The following CACNA1A variants were observed in gnomAD, a reference collection of about 807,000 sequenced individuals.
The protein encoded by CACNA1A is voltage-dependent P/Q-type calcium channel subunit alpha-1A.
CACNA1A carries 57 observed loss-of-function variants against 262.4 expected under a neutral mutation model. That is an observed-to-expected ratio of 0.22 (90% CI 0.18 to 0.27). The LOEUF (loss-of-function observed/expected upper bound fraction) is 0.27. Among genes scored for constraint, CACNA1A ranks in the 10% least tolerant of loss-of-function variants. The probability of loss-of-function intolerance (pLI) is 1.00; values close to 1 mark genes in which losing one functional copy is unlikely to be tolerated. For missense variants in CACNA1A, 2,526 were observed against 3,562.8 expected (o/e 0.71, Z 7.41); for synonymous variants, 1,431 against 1,419.3 (o/e 1.01, Z -0.18).
chr19:13,337,488 A>C (rs966019980), intron 6 of CACNA1A, among the ~76,000 whole-genome samples: 2 of 152,176 alleles, frequency 1.3e-5, no homozygotes, highest in African/African-American at 4.8e-5. Flanking sequence ...ACCCACCCTA[A>C]TGATCTCATC....
intron 31 of CACNA1A, 188 bp downstream of exon 31, chr19:13,244,994 C>A: frequency 1.7e-6 from 1 of 598,898 alleles, no homozygotes; most frequent in Non-Finnish European, 3.0e-6. Flanking sequence ...CCCATCTCCC[C>A]ACAATGCCCT....
chr19:13,283,173 C>A, intron 22 of CACNA1A, 94 bp downstream of exon 22: 1 of 1,491,714 alleles, frequency 6.7e-7, no homozygotes. Context: ...GTGACCCCAA[C>A]ATCCCACCCT....
At chr19:13,314,001 TTGAG>T (rs1177858112) in intron 11 of CACNA1A, among the ~76,000 whole-genome samples, 1 of 152,196 alleles carries the variant, frequency 6.6e-6, no homozygotes, top group African/African-American at 2.4e-5. Flanking sequence ...CTAAAAAGTC[TTGAG>T]TAAGACAAAG....
In CACNA1A at chr19:13,330,209, T is replaced by G. The variant is rs968660480; in HGVS notation, c.1345+35A>C. On this transcript the variant is annotated intron_variant, in intron 10 of 46. Transcript: ENST00000360228. Reference sequence around the variant, plus strand: ...ACCATGTCTCTTGGGCGATAGGTGATGAACAACTGATAGGTGGCAGAGGAA... The same window carrying G: ...ACCATGTCTCTTGGGCGATAGGTGAGGAACAACTGATAGGTGGCAGAGGAA... The G allele has an allele frequency of 3.4e-6, 5 of 1,451,862 alleles. No homozygotes were observed. In the South Asian group the frequency reaches 6.1e-5, roughly 18 times the overall value. The allele number at this position is 1,451,862 out of a possible 1,614,324, so 89.9% of individuals were successfully genotyped here.
chr19:13,251,907 G>A (rs1384796575), intron 30 of CACNA1A, among the ~76,000 whole-genome samples: 1 of 151,920 alleles, frequency 6.6e-6, no homozygotes, highest in African/African-American at 2.4e-5. Context: ...TGGGATCATG[G>A]GCACCCACAA....
Position 13,241,584 on chromosome 19 carries a change from G to T in CACNA1A, c.4950+3598C>A. 1 of 1,025,532 alleles carries T rather than the reference G, an allele frequency of 9.8e-7. No individual in the cohort carries two copies. Among genetic ancestry groups the T allele is most frequent in the Non-Finnish European group, 1.5e-6 (1 of 682,370 alleles). 63.5% of individuals were successfully genotyped at this position (1,025,532 alleles called of 1,614,324 possible). A position where few individuals can be genotyped will look rare whatever the true frequency, so the allele number is the denominator to read the frequency against. ...GGCGGGCGGGGGCAGTTGGGGAGGC[G>T]TGTTCAGCATTTTTTAGGTTGATTT... On this transcript the variant is annotated intron_variant, in intron 31 of 46. Coordinates refer to ENST00000360228, the MANE Select transcript of CACNA1A (RefSeq NM_001127222.2). The surrounding 1 kb of genome is among the most constrained non-coding windows in gnomAD (Gnocchi z 4.0).
rs200209920 is a variant in CACNA1A at position 13,285,196 on chromosome 19, G to A, written c.3564C>T (p.Asn1188=). The A allele has an allele frequency of 9.4e-5, 151 of 1,613,824 alleles. No individual in the cohort carries two copies. Among genetic ancestry groups the A allele is most frequent in the East Asian group, 2.0e-4 (9 of 44,872 alleles). The change falls in exon 21 of 47, where the codon AAC becomes AAT. Residue 1188 remains asparagine (N), a synonymous_variant. Transcript: ENST00000360228. ...LNHTVVQVNK[N]ANPDPLPKKE... ...TTTTTGGCAGTGGGTCTGGGTTGGC[G>A]TTTTTGTTCACTGTTGGGACAAGAA... is the stretch of plus-strand genomic sequence containing the variant.
At chr19:13,367,811 T>A (rs1394093416) in intron 4 of CACNA1A, among the ~76,000 whole-genome samples, 2 of 152,104 alleles carry the variant, frequency 1.3e-5, no homozygotes, top group East Asian at 3.8e-4. Context: ...AAGACCTAAA[T>A]CTGGGGGTAT....
intron 3 of CACNA1A, among the ~76,000 whole-genome samples, chr19:13,442,151 T>C (rs995033212): frequency 2.0e-5 from 3 of 152,012 alleles, no homozygotes; most frequent in Admixed American, 6.6e-5. Context: ...AGGCAAAAAC[T>C]AGGGTCCAAT....
At chr19:13,470,964 T>C (rs756998199) in intron 1 of CACNA1A, among the ~76,000 whole-genome samples, 3 of 152,178 alleles carry the variant, frequency 2.0e-5, no homozygotes, top group Non-Finnish European at 4.4e-5. Context: ...TCTCTCGTCA[T>C]CCTGGAGGCA....
chr19:13,485,148 G>A (rs1323715399), intron 1 of CACNA1A, among the ~76,000 whole-genome samples: 2 of 152,280 alleles, frequency 1.3e-5, no homozygotes, highest in Middle Eastern at 6.8e-3. Flanking sequence ...ATTGGGGCAA[G>A]AATGGGCTTT....
chr19:13,411,694 TTCTC>T (rs144610146), intron 3 of CACNA1A, among the ~76,000 whole-genome samples: 33 of 147,754 alleles, frequency 2.2e-4, no homozygotes, highest in Non-Finnish European at 3.3e-4. Flanking sequence ...CTCTTTCTCC[TTCTC>T]TCTCTCTCTC....
At chr19:13,222,405 T>C (rs1461896825) in intron 38 of CACNA1A, among the ~76,000 whole-genome samples, 2 of 148,846 alleles carry the variant, frequency 1.3e-5, no homozygotes, top group Non-Finnish European at 3.0e-5. Context: ...TTTTTTTTTT[T>C]TTTTTTTTCA....
chr19:13,391,064 T>C (rs2059702729), intron 3 of CACNA1A, among the ~76,000 whole-genome samples: 1 of 152,140 alleles, frequency 6.6e-6, no homozygotes, highest in Admixed American at 6.6e-5. Flanking sequence ...TTTTTTGTAT[T>C]TTAGTAGAGA....
chr19:13,207,227 G>A lies in CACNA1A; in HGVS notation c.*86C>T. ...GCCCTCTCCCGGGCCCTCTGTGCTG[G>A]GCCCCCGCGGCCTCTGCGCGGCTCC... On this transcript the variant is annotated 3_prime_UTR_variant, in exon 47 of 47. Coordinates refer to ENST00000360228, the MANE Select transcript of CACNA1A (RefSeq NM_001127222.2). This position sits in a 1 kb window ranked among gnomAD's most constrained non-coding sequence, Gnocchi z 5.7. 1 of 1,359,274 alleles carries A rather than the reference G, an allele frequency of 7.4e-7. No individual in the cohort carries two copies. Among genetic ancestry groups the A allele is most frequent in the Non-Finnish European group, 9.6e-7 (1 of 1,046,024 alleles). 84.2% of individuals were successfully genotyped at this position (1,359,274 alleles called of 1,614,324 possible).
At chr19:13,291,907 A>C (rs1412451633) in intron 19 of CACNA1A, among the ~76,000 whole-genome samples, 1 of 152,202 alleles carries the variant, frequency 6.6e-6, no homozygotes, top group Non-Finnish European at 1.5e-5. Flanking sequence ...TGTGGAGCTC[A>C]AAAGTCCAGC....
At chr19:13,219,682 C>T (rs1018022457) in intron 38 of CACNA1A, among the ~76,000 whole-genome samples, 7 of 152,064 alleles carry the variant, frequency 4.6e-5, no homozygotes, top group African/African-American at 1.4e-4. Flanking sequence ...AGGCCCGGTG[C>T]GGTGGCTCAC....
chr19:13,452,557 T>C (rs2060935214), intron 3 of CACNA1A: 1 of 194,484 alleles, frequency 5.1e-6, no homozygotes, highest in South Asian at 1.6e-4. Context: ...AGTTTCTGAT[T>C]CCTCAGTGGT....
intron 10 of CACNA1A, among the ~76,000 whole-genome samples, chr19:13,324,985 C>T (rs1375418585): frequency 1.3e-5 from 2 of 150,282 alleles, no homozygotes; most frequent in African/African-American, 2.4e-5. Flanking sequence ...TTTTCATATG[C>T]TCCACATTTT....
Sources: allele counts gnomAD v4.1 joint callset (sites outside exome capture counted in the v4.1 genomes callset), GRCh38; gene constraint gnomAD v4.1.1; non-coding constraint Gnocchi (gnomAD v3.1); transcripts MANE v1.5; gene names NCBI Gene and HGNC (gene_info 2026-07-23, HGNC 2026-07-21).